Variants in SLC7A2 observed in about 807,000 individuals in gnomAD.
SLC7A2 encodes the protein cationic amino acid transporter 2.
Under a neutral mutation model 58.9 loss-of-function variants are expected in SLC7A2, and 48 were observed. The ratio of observed to expected loss-of-function variants is 0.82; its 90% confidence interval spans 0.65 to 1.04. SLC7A2 has a LOEUF of 1.04. SLC7A2 is among the 50% of genes least tolerant of loss of function. The probability of loss-of-function intolerance (pLI) is 0.00; values close to 1 mark genes in which losing one functional copy is unlikely to be tolerated. For missense variants in SLC7A2, 1,029 were observed against 818.8 expected (o/e 1.26, Z -3.13); for synonymous variants, 363 against 314.5 (o/e 1.15, Z -1.63).
At chr8:17,501,832 G>T (rs920484399) in intron 1 of SLC7A2, among the ~76,000 whole-genome samples, 1 of 151,508 alleles carries the variant, frequency 6.6e-6, no homozygotes, top group Non-Finnish European at 1.5e-5. Flanking sequence ...ATTCAGTATC[G>T]GGAAGGCGAG....
At chr8:17,563,796 A>G in intron 12 of SLC7A2, 85 bp downstream of exon 12, 1 of 813,528 alleles carries the variant, frequency 1.2e-6, no homozygotes, top group Non-Finnish European at 2.0e-6. Context: ...CTGGGAATAA[A>G]GGCTTTTTTT....
intron 5 of SLC7A2, 138 bp from the exon 6 acceptor site, chr8:17,550,162 TA>T: frequency 1.3e-6 from 1 of 761,108 alleles, no homozygotes; most frequent in Non-Finnish European, 2.1e-6. Flanking sequence ...GGTGAGAGAG[TA>T]AAGTTTTAAT....
rs1193216652 is a variant in SLC7A2 at position 17,566,726 on chromosome 8, C to G, written c.*1580C>G. ...GTCATATTTTACTTTTTAGGATTCC[C>G]TAATAGTGGACTGTTTATTTGCAGT... is the stretch of plus-strand genomic sequence containing the variant. On this transcript the variant is annotated 3_prime_UTR_variant, in exon 13 of 13. Transcript: ENST00000494857. The G allele has an allele frequency of 6.6e-6, 1 of 151,572 alleles. No individual in the cohort carries two copies. The highest frequency in any genetic ancestry group is 1.5e-5 in the Non-Finnish European group (1 of 68,030). 9.4% of individuals were successfully genotyped at this position (151,572 alleles called of 1,614,324 possible). A position where few individuals can be genotyped will look rare whatever the true frequency, so the allele number is the denominator to read the frequency against.
At chr8:17,494,533 C>G (rs759558279), upstream of SLC7A2, among the ~76,000 whole-genome samples, 5 of 152,122 alleles carry the variant, frequency 3.3e-5, no homozygotes, top group Non-Finnish European at 5.9e-5. Flanking sequence ...GAAAAAGATG[C>G]TAATTCAACC....
intron 2 of SLC7A2, among the ~76,000 whole-genome samples, chr8:17,513,193 A>T (rs922020362): frequency 1.3e-5 from 2 of 152,170 alleles, no homozygotes; most frequent in African/African-American, 2.4e-5. Context: ...TTGCTGGATC[A>T]TATATTAATT....
At chr8:17,508,087 CT>C (rs146662018) in intron 2 of SLC7A2, among the ~76,000 whole-genome samples, 2,137 of 149,780 alleles carry the variant, frequency 0.014, 41 homozygotes, top group African/African-American at 0.047. Context: ...ATTGTGCTCT[CT>C]TTTTTTTTAA....
At chr8:17,513,742 C>G (rs1257433331) in intron 2 of SLC7A2, among the ~76,000 whole-genome samples, 1 of 152,170 alleles carries the variant, frequency 6.6e-6, no homozygotes, top group Non-Finnish European at 1.5e-5. Context: ...ACTGTGGAAT[C>G]TAAGAAGCGA....
At position 17,570,392 on chromosome 8, in the gene SLC7A2, T is replaced by C. The variant is rs1803452276; in HGVS notation, c.*5246T>C. 1 of 152,550 alleles carries C rather than the reference T, an allele frequency of 6.6e-6. No homozygotes were observed. Among genetic ancestry groups the C allele is most frequent in the Non-Finnish European group, 1.5e-5 (1 of 68,010 alleles). 9.4% of individuals were successfully genotyped at this position (152,550 alleles called of 1,614,324 possible). A position where few individuals can be genotyped will look rare whatever the true frequency, so the allele number is the denominator to read the frequency against. On this transcript the variant is annotated 3_prime_UTR_variant, in exon 13 of 13. Transcript: ENST00000494857. ...ATTGGACTTGTGTGAATGTACAGGG[T>C]TTTTTTAGTAGTAATTTTAAATTTA...
At chr8:17,513,623 T>C (rs1800689325) in intron 2 of SLC7A2, among the ~76,000 whole-genome samples, 1 of 152,212 alleles carries the variant, frequency 6.6e-6, no homozygotes, top group Non-Finnish European at 1.5e-5. Context: ...TAGTTGTGAT[T>C]CATAAAGTTG....
intron 1 of SLC7A2, among the ~76,000 whole-genome samples, chr8:17,501,392 T>A (rs1410174996): frequency 2.0e-5 from 3 of 152,206 alleles, no homozygotes; most frequent in African/African-American, 4.8e-5. Flanking sequence ...GTAAGTATAA[T>A]TAGTATTGAC....
intron 2 of SLC7A2, among the ~76,000 whole-genome samples, chr8:17,519,971 T>A (rs979225069): frequency 6.6e-6 from 1 of 152,176 alleles, no homozygotes; most frequent in Non-Finnish European, 1.5e-5. Context: ...AAACATCTTA[T>A]TCCCCAACAA....
At chr8:17,528,527 A>G (rs1381426198) in intron 2 of SLC7A2, among the ~76,000 whole-genome samples, 1 of 151,980 alleles carries the variant, frequency 6.6e-6, no homozygotes, top group Non-Finnish European at 1.5e-5. Context: ...AGCTGGCACT[A>G]CAGGTGCGCA....
chr8:17,551,772 G>C lies in SLC7A2; in HGVS notation c.841G>C (p.Val281Leu). Residue 281 changes from valine (V) to leucine (L), a missense_variant, in exon 7 of 13, where the codon GTT becomes CTT. Physicochemically the swap from Val to Leu is conservative, Grantham distance 32. Coordinates refer to ENST00000494857, the MANE Select transcript of SLC7A2 (RefSeq NM_001370338.1). ...FDCIATTGEE[V>L]RNPQKAIPIG... is the part of the protein sequence containing the mutation. ...TGTTTATATTTCCTTAGGTGAAGAA[G>C]TTCGGAATCCCCAGAAAGCTATTCC... The C allele has an allele frequency of 6.2e-7, 1 of 1,612,976 alleles. No individual in the cohort carries two copies. The highest frequency in any genetic ancestry group is 1.3e-5 in the African/African-American group (1 of 74,944).
chr8:17,554,671 T>TG lies in SLC7A2; in HGVS notation c.1168dup (p.Ala390GlyfsTer17). The TG allele has an allele frequency of 6.2e-7, 1 of 1,612,220 alleles. No homozygotes were observed. Among genetic ancestry groups the TG allele is most frequent in the Non-Finnish European group, 8.5e-7 (1 of 1,179,600 alleles). On this transcript the variant is annotated frameshift_variant, in exon 8 of 13. Coordinates refer to ENST00000494857, the MANE Select transcript of SLC7A2 (RefSeq NM_001370338.1). LOFTEE classifies it high-confidence loss of function. ...ATTCCAAAACGAAGACACCAATAAT[T>TG]GCTACTTTATCATCGGGTGCAGTGG...
At chr8:17,550,572 A>G in intron 6 of SLC7A2, 138 bp downstream of exon 6, 1 of 699,898 alleles carries the variant, frequency 1.4e-6, no homozygotes, top group Non-Finnish European at 2.3e-6. Context: ...CAGCTGTGAC[A>G]CGTGCTGCTG....
chr8:17,570,528 A>T lies in SLC7A2; in HGVS notation c.*5382A>T, dbSNP rs924676867. On this transcript the variant is annotated 3_prime_UTR_variant, in exon 13 of 13. Coordinates refer to ENST00000494857, the MANE Select transcript of SLC7A2 (RefSeq NM_001370338.1). ...TTACCACTGTAAAATATGCTTTCTG[A>T]TGTGGTGTATTTTTAAAATAAATTT... is the stretch of plus-strand genomic sequence containing the variant. 1.1e-4 allele frequency: 16 copies of T among 150,970 alleles called. No individual in the cohort carries two copies. The highest frequency in any genetic ancestry group is 4.0e-4 in the African/African-American group (16 of 40,238). The allele number at this position is 150,970 out of a possible 1,614,324, so 9.4% of individuals were successfully genotyped here. A position where few individuals can be genotyped will look rare whatever the true frequency, so the allele number is the denominator to read the frequency against.
Position 17,569,518 on chromosome 8 carries a change from T to A in SLC7A2, c.*4372T>A, listed in dbSNP as rs1313266538. Reference sequence around the variant, plus strand: ...ATATAGATATGAAAATAAGTTCATATAGATATGAAATTGCTTGACTTTATT... The same window carrying A: ...ATATAGATATGAAAATAAGTTCATAAAGATATGAAATTGCTTGACTTTATT... On this transcript the variant is annotated 3_prime_UTR_variant, in exon 13 of 13. Transcript: ENST00000494857. 1.3e-5 allele frequency: 2 copies of A among 152,202 alleles called. No individual in the cohort carries two copies. The highest frequency in any genetic ancestry group is 4.8e-5 in the African/African-American group (2 of 41,450). The allele number at this position is 152,202 out of a possible 1,614,324, so 9.4% of individuals were successfully genotyped here.
intron 2 of SLC7A2, among the ~76,000 whole-genome samples, chr8:17,519,846 GTCT>G (rs111600557): frequency 0.61 from 92,386 of 151,308 alleles, 28,638 homozygotes; most frequent in Non-Finnish European, 0.64. Context: ...TCTTTATGAT[GTCT>G]CCTCCATAAA....
intron 2 of SLC7A2, among the ~76,000 whole-genome samples, chr8:17,515,636 C>G (rs1010330488): frequency 6.6e-6 from 1 of 152,004 alleles, no homozygotes; most frequent in African/African-American, 2.4e-5. Flanking sequence ...AGTGGGGTGG[C>G]GGGTTTTTGG....
Sources: allele counts gnomAD v4.1 joint callset (sites outside exome capture counted in the v4.1 genomes callset), GRCh38; gene constraint gnomAD v4.1.1; transcripts MANE v1.5; gene names NCBI Gene and HGNC (gene_info 2026-07-23, HGNC 2026-07-21).